RNGTT: variants seen among roughly 807,000 people sequenced by gnomAD.
RNGTT encodes the protein mRNA-capping enzyme.
In RNGTT, 33 loss-of-function variants were observed where a neutral mutation model predicts 79.3. That is an observed-to-expected ratio of 0.42 (90% CI 0.32 to 0.56). The LOEUF (loss-of-function observed/expected upper bound fraction) is 0.56. Ranked by LOEUF, RNGTT falls within the 20% of genes least tolerant of loss-of-function variation. RNGTT has a pLI of 0.17. For missense variants in RNGTT, 497 were observed against 739.1 expected, an observed-to-expected ratio of 0.67 and a Z score of 3.80; for synonymous variants, 222 against 235.9, an observed-to-expected ratio of 0.94 and a Z score of 0.54.
At chr6:88,875,645 T>C (rs1308533880) in intron 8 of RNGTT, among the ~76,000 whole-genome samples, 1 of 152,178 alleles carries the variant, frequency 6.6e-6, no homozygotes, top group Non-Finnish European at 1.5e-5. Flanking sequence ...CAATGCTATC[T>C]TACAGCGTTG....
At chr6:88,688,527 G>A (rs1730768835) in intron 13 of RNGTT, among the ~76,000 whole-genome samples, 1 of 152,100 alleles carries the variant, frequency 6.6e-6, no homozygotes, top group East Asian at 1.9e-4. Context: ...TAGAGAAACA[G>A]CTAATTCCTG....
At chr6:88,896,462 T>G (rs1333600843) in intron 6 of RNGTT, among the ~76,000 whole-genome samples, 1 of 152,126 alleles carries the variant, frequency 6.6e-6, no homozygotes, top group East Asian at 1.9e-4. Flanking sequence ...TTCGAGACAG[T>G]TAATGATCTC....
At chr6:88,781,750 T>C (rs1779070995) in intron 12 of RNGTT, among the ~76,000 whole-genome samples, 1 of 152,116 alleles carries the variant, frequency 6.6e-6, no homozygotes. Flanking sequence ...TCATTTATAT[T>C]CTTAAACAAA....
chr6:88,734,004 T>C (rs1286555099), intron 13 of RNGTT, among the ~76,000 whole-genome samples: 1 of 152,088 alleles, frequency 6.6e-6, no homozygotes, highest in Non-Finnish European at 1.5e-5. Flanking sequence ...CAAATCTACA[T>C]AATGAAACAG....
intron 8 of RNGTT, among the ~76,000 whole-genome samples, chr6:88,888,915 C>T (rs151028589): frequency 0.013 from 1,904 of 152,230 alleles, 42 homozygotes; most frequent in African/African-American, 0.042. Flanking sequence ...ATAAACCCAG[C>T]TACTTGGGAG....
chr6:88,700,590 C>T (rs1433427638), intron 13 of RNGTT, among the ~76,000 whole-genome samples: 2 of 152,060 alleles, frequency 1.3e-5, no homozygotes, highest in East Asian at 3.9e-4. Flanking sequence ...CAAGTAAAAA[C>T]CACTACAAAA....
chr6:88,773,214 G>A (rs75590038), intron 12 of RNGTT, among the ~76,000 whole-genome samples: 10 of 150,060 alleles, frequency 6.7e-5, no homozygotes, highest in Middle Eastern at 3.5e-3. Context: ...GTAAACTATC[G>A]CAAGAACAAA....
At chr6:88,915,306 T>C (rs970879319) in intron 4 of RNGTT, among the ~76,000 whole-genome samples, 3 of 152,154 alleles carry the variant, frequency 2.0e-5, no homozygotes, top group Non-Finnish European at 4.4e-5. Flanking sequence ...ACCAAAAAGA[T>C]ACCCGCACTT....
chr6:88,924,431 T>C (rs979581850), intron 4 of RNGTT, among the ~76,000 whole-genome samples: 4 of 152,246 alleles, frequency 2.6e-5, no homozygotes, highest in Non-Finnish European at 5.9e-5. Context: ...GTATAAGATA[T>C]CTTCATAAAT....
At chr6:88,899,287 GC>G (rs1180881297) in intron 6 of RNGTT, among the ~76,000 whole-genome samples, 3 of 149,912 alleles carry the variant, frequency 2.0e-5, no homozygotes, top group Non-Finnish European at 4.4e-5. Flanking sequence ...TTTTGAGACA[GC>G]CTATCACTCT....
intron 12 of RNGTT, among the ~76,000 whole-genome samples, chr6:88,796,954 A>G (rs1039864384): frequency 6.6e-6 from 1 of 152,194 alleles, no homozygotes; most frequent in Non-Finnish European, 1.5e-5. Context: ...GGTAGTCCTG[A>G]GCTACGGTTT....
chr6:88,878,704 T>C (rs1038491930), intron 8 of RNGTT, among the ~76,000 whole-genome samples: 2 of 152,190 alleles, frequency 1.3e-5, no homozygotes, highest in African/African-American at 4.8e-5. Context: ...TCTCTAGTTC[T>C]TATGTTACAT....
intron 13 of RNGTT, among the ~76,000 whole-genome samples, chr6:88,727,748 A>G (rs1227921876): frequency 6.6e-6 from 1 of 152,218 alleles, no homozygotes; most frequent in African/African-American, 2.4e-5. Flanking sequence ...ATTTCTCAGT[A>G]AGAAGGCACC....
chr6:88,959,811 C>G (rs1304349419), intron 1 of RNGTT, among the ~76,000 whole-genome samples: 1 of 152,052 alleles, frequency 6.6e-6, no homozygotes. Flanking sequence ...ATTAGGATAC[C>G]TTATCACACC....
intron 12 of RNGTT, among the ~76,000 whole-genome samples, chr6:88,771,315 G>GTGTGTGTGTATATATATATATATATA (rs1303688973): frequency 1.6e-5 from 1 of 62,070 alleles, no homozygotes; most frequent in Non-Finnish European, 3.0e-5. Flanking sequence ...GTGTGTGTGT[G>GTGTGTGTGTATATATATATATATATA]TATATATATA....
At chr6:88,828,071 C>A (rs1780730708) in intron 11 of RNGTT, among the ~76,000 whole-genome samples, 4 of 152,164 alleles carry the variant, frequency 2.6e-5, no homozygotes, top group Non-Finnish European at 5.9e-5. Flanking sequence ...TCAATTGGGT[C>A]CCTGACCCCA....
chr6:88,904,710 A>T lies in RNGTT; in HGVS notation c.684+5T>A. The T allele has an allele frequency of 6.2e-7, 1 of 1,600,650 alleles. No individual in the cohort carries two copies. Among genetic ancestry groups the T allele is most frequent in the Non-Finnish European group, 8.5e-7 (1 of 1,176,180 alleles). The stretch of plus-strand genomic sequence containing the variant: ...AAAACCTATTATAATATTTTTAAAC[A>T]TTACCAGTTTTAACCGTTCTTTTCT... On this transcript the variant is annotated splice_donor_5th_base_variant and intron_variant, in intron 6 of 15. Transcript: ENST00000369485.
intron 13 of RNGTT, among the ~76,000 whole-genome samples, chr6:88,768,571 C>T (rs905981274): frequency 6.6e-6 from 1 of 152,200 alleles, no homozygotes; most frequent in Admixed American, 6.5e-5. Flanking sequence ...CTCCATATAT[C>T]CCCTGTTCCA....
chr6:88,787,094 T>G (rs572409412), intron 12 of RNGTT, among the ~76,000 whole-genome samples: 171 of 152,354 alleles, frequency 1.1e-3, no homozygotes, highest in African/African-American at 4.1e-3. Flanking sequence ...TTTATGGTAT[T>G]TTGTTACAGC....
Sources: allele counts gnomAD v4.1 joint callset (sites outside exome capture counted in the v4.1 genomes callset), GRCh38; gene constraint gnomAD v4.1.1; transcripts MANE v1.5; gene names NCBI Gene and HGNC (gene_info 2026-07-23, HGNC 2026-07-21).